CCSER1: variants seen among roughly 807,000 people sequenced by gnomAD.
CCSER1 encodes the protein serine-rich coiled-coil domain-containing protein 1.
In CCSER1, 41 loss-of-function variants were observed where a neutral mutation model predicts 82.0. That is an observed-to-expected ratio of 0.50 (90% CI 0.39 to 0.65). The LOEUF (loss-of-function observed/expected upper bound fraction) is 0.65. CCSER1 is among the 30% of genes least tolerant of loss of function. The probability of loss-of-function intolerance (pLI) is 0.00; values close to 1 mark genes in which losing one functional copy is unlikely to be tolerated. For missense variants in CCSER1, 1,119 were observed against 1,064.2 expected, an observed-to-expected ratio of 1.05 and a Z score of -0.72; for synonymous variants, 414 against 383.9, an observed-to-expected ratio of 1.08 and a Z score of -0.92.
At chr4:91,235,052 A>G (rs1485829798) in intron 10 of CCSER1, among the ~76,000 whole-genome samples, 1 of 152,098 alleles carries the variant, frequency 6.6e-6, no homozygotes, top group Non-Finnish European at 1.5e-5. Context: ...ATTAATGTGC[A>G]AAATGAAAAA....
intron 10 of CCSER1, among the ~76,000 whole-genome samples, chr4:91,451,653 T>A (rs1187204198): frequency 6.6e-6 from 1 of 151,996 alleles, no homozygotes; most frequent in Non-Finnish European, 1.5e-5. Context: ...ATCATGAGCA[T>A]GTTGAAAAAT....
chr4:90,589,483 T>C (rs186794637), intron 5 of CCSER1, among the ~76,000 whole-genome samples: 9 of 152,162 alleles, frequency 5.9e-5, no homozygotes, highest in East Asian at 3.9e-4. Flanking sequence ...TTTACAAAAA[T>C]CTGGAGAAAA....
chr4:91,474,153 G>A (rs1445343084), intron 10 of CCSER1, among the ~76,000 whole-genome samples: 1 of 151,844 alleles, frequency 6.6e-6, no homozygotes, highest in Admixed American at 6.6e-5. Context: ...GTAAAACTGG[G>A]ATCAGAAGTT....
intron 6 of CCSER1, among the ~76,000 whole-genome samples, chr4:90,657,743 A>C (rs1729973379): frequency 6.6e-6 from 1 of 152,154 alleles, no homozygotes; most frequent in Admixed American, 6.5e-5. Context: ...TCTCTGCTGA[A>C]ATTTTTCATC....
At chr4:90,624,442 T>C (rs192948220) in intron 5 of CCSER1, among the ~76,000 whole-genome samples, 64 of 152,288 alleles carry the variant, frequency 4.2e-4, no homozygotes, top group Non-Finnish European at 1.6e-4. Context: ...CTCTCTCAGG[T>C]AAGGAAAACC....
At chr4:90,363,197 T>C (rs922175017) in intron 3 of CCSER1, among the ~76,000 whole-genome samples, 2 of 152,182 alleles carry the variant, frequency 1.3e-5, no homozygotes, top group Admixed American at 1.3e-4. Context: ...TCTAATTTTC[T>C]ACAAATTCTA....
At chr4:90,846,889 C>T (rs1763292413) in intron 8 of CCSER1, among the ~76,000 whole-genome samples, 1 of 152,152 alleles carries the variant, frequency 6.6e-6, no homozygotes, top group African/African-American at 2.4e-5. Context: ...CCTGGTGATA[C>T]ACCTGCCTTG....
chr4:91,577,008 A>G lies in CCSER1; in HGVS notation c.2218-21564A>G, dbSNP rs556908041. On this transcript the variant is annotated intron_variant, in intron 10 of 10. Transcript: ENST00000509176. ...TAATTTTTGTTTTCAATTATATACT[A>G]CAGTAAAGCTAAAAAAGTCATAATT... Among the ~76,000 whole-genome samples, 576 of 152,102 alleles carry G rather than the reference A, an allele frequency of 3.8e-3. 3 individuals carry two copies. The highest frequency in any genetic ancestry group is 0.013 in the African/African-American group (553 of 41,506).
chr4:91,134,566 T>C (rs55717494), intron 10 of CCSER1, among the ~76,000 whole-genome samples: 2,237 of 152,280 alleles, frequency 0.015, 30 homozygotes, highest in African/African-American at 0.04. Context: ...TTCCTACTGA[T>C]ACAAAGAGAC....
chr4:90,393,310 A>G (rs1382349701), intron 3 of CCSER1, among the ~76,000 whole-genome samples: 1 of 152,160 alleles, frequency 6.6e-6, no homozygotes, highest in African/African-American at 2.4e-5. Context: ...TTCTACAATA[A>G]CTATGTCACA....
rs531402804 is a variant in CCSER1, at chr4:91,180,425, A to C, written c.2217+94431A>C. Among the ~76,000 whole-genome samples the C allele has an allele frequency of 2.0e-5, 3 of 152,350 alleles. No homozygotes were observed. In the South Asian group the frequency reaches 6.2e-4, roughly 32 times the overall value. ...CCCCAGAGGTGGAGTCTACAGAGGCAGGCAGGCCTTCTTGAGCTGTGGTGG... is the reference window on the plus strand; with the variant it reads ...CCCCAGAGGTGGAGTCTACAGAGGCCGGCAGGCCTTCTTGAGCTGTGGTGG... On this transcript the variant is annotated intron_variant, in intron 10 of 10. Coordinates refer to ENST00000509176, the MANE Select transcript of CCSER1 (RefSeq NM_001145065.2).
chr4:91,484,637 T>G (rs2110054974), intron 10 of CCSER1, among the ~76,000 whole-genome samples: 1 of 152,318 alleles, frequency 6.6e-6, no homozygotes, highest in African/African-American at 2.4e-5. Flanking sequence ...TACTATCTTC[T>G]ATTGGAAGAC....
In CCSER1 at chr4:91,504,470, G is replaced by A. The variant is rs945325929; in HGVS notation, c.2218-94102G>A. On this transcript the variant is annotated intron_variant, in intron 10 of 10. Transcript: ENST00000509176. ...TGTTGCCTACAAACAACATTTGAGT[G>A]TCTTAATTGTTATGCTGGCCTTTAA... Among the ~76,000 whole-genome samples the A allele has an allele frequency of 1.2e-4, 19 of 152,196 alleles. 1 individual carries two copies. In the East Asian group the frequency reaches 3.7e-3, roughly 29 times the overall value.
At chr4:90,333,486 A>T (rs1296336773) in intron 3 of CCSER1, among the ~76,000 whole-genome samples, 1 of 152,192 alleles carries the variant, frequency 6.6e-6, no homozygotes, top group Non-Finnish European at 1.5e-5. Context: ...AACAAACAGA[A>T]ATTCAGCAAA....
At chr4:91,421,175 AAACAG>A (rs1473895540) in intron 10 of CCSER1, among the ~76,000 whole-genome samples, 1 of 152,184 alleles carries the variant, frequency 6.6e-6, no homozygotes, top group Non-Finnish European at 1.5e-5. Flanking sequence ...ATGTCCTGTG[AAACAG>A]AACAGAAGGG....
chr4:90,419,718 T>C (rs1022203341), intron 4 of CCSER1, among the ~76,000 whole-genome samples: 1 of 151,864 alleles, frequency 6.6e-6, no homozygotes, highest in African/African-American at 2.4e-5. Flanking sequence ...ACTATTATTG[T>C]AGTTCTTAAT....
chr4:90,609,842 A>G (rs1012991850), intron 5 of CCSER1, among the ~76,000 whole-genome samples: 1 of 152,226 alleles, frequency 6.6e-6, no homozygotes, highest in African/African-American at 2.4e-5. Flanking sequence ...ACCTTAAAAT[A>G]CTGAACTCAT....
chr4:91,147,012 G>T (rs1413585910), intron 10 of CCSER1, among the ~76,000 whole-genome samples: 1 of 152,142 alleles, frequency 6.6e-6, no homozygotes, highest in African/African-American at 2.4e-5. Context: ...TAGCCTCAAG[G>T]CAGGCTTTGG....
At chr4:91,209,950 C>T (rs1280224498) in intron 10 of CCSER1, among the ~76,000 whole-genome samples, 1 of 151,686 alleles carries the variant, frequency 6.6e-6, no homozygotes, top group African/African-American at 2.4e-5. Context: ...ATACCTACCA[C>T]CCAGATCTTA....
Sources: gnomAD v4.1 joint callset for allele counts (sites outside exome capture counted in the v4.1 genomes callset) on GRCh38, gnomAD v4.1.1 for gene constraint, MANE v1.5 for transcripts, NCBI Gene and HGNC (gene_info 2026-07-23, HGNC 2026-07-21) for gene names.